Variants in CHSY3 observed in about 807,000 individuals in gnomAD.
CHSY3 encodes N-acetylgalactosaminyl-proteoglycan 3-beta-glucuronosyltransferase 3.
CHSY3 carries 35 observed loss-of-function variants against 67.2 expected under a neutral mutation model. That is an observed-to-expected ratio of 0.52 (90% CI 0.40 to 0.69). The LOEUF (loss-of-function observed/expected upper bound fraction) is 0.69, where lower values mean the gene tolerates loss of function less well. Among genes scored for constraint, CHSY3 ranks in the 30% least tolerant of loss-of-function variants. The pLI is 0.00. For missense variants in CHSY3, 1,069 were observed against 1,138.5 expected, an observed-to-expected ratio of 0.94 and a Z score of 0.88; for synonymous variants, 474 against 434.7, an observed-to-expected ratio of 1.09 and a Z score of -1.12.
chr5:130,100,807 A>G (rs1211969895), intron 2 of CHSY3, among the ~76,000 whole-genome samples: 1 of 152,230 alleles, frequency 6.6e-6, no homozygotes, highest in Non-Finnish European at 1.5e-5. Flanking sequence ...TATTCAGGAA[A>G]TGTATACCTG....
chr5:129,966,645 A>G (rs1357523288), intron 2 of CHSY3, among the ~76,000 whole-genome samples: 1 of 151,870 alleles, frequency 6.6e-6, no homozygotes, highest in African/African-American at 2.4e-5. Flanking sequence ...TTTGGAGTTT[A>G]TAGACCTCTA....
chr5:130,165,010 G>A (rs73248915), intron 2 of CHSY3, among the ~76,000 whole-genome samples: 26 of 152,268 alleles, frequency 1.7e-4, no homozygotes, highest in African/African-American at 6.3e-4. Context: ...TATTGGTGGA[G>A]TATAGAGGGT....
chr5:130,069,386 C>G (rs2149680767), intron 2 of CHSY3, among the ~76,000 whole-genome samples: 1 of 152,096 alleles, frequency 6.6e-6, no homozygotes, highest in East Asian at 1.9e-4. Flanking sequence ...CATGGTGATT[C>G]ATGCCTGTAA....
intron 2 of CHSY3, among the ~76,000 whole-genome samples, chr5:130,108,461 T>G (rs1295066735): frequency 1.3e-5 from 2 of 151,642 alleles, no homozygotes; most frequent in African/African-American, 4.8e-5. Flanking sequence ...AAGTGGCAAT[T>G]TGCCATTTAC....
At chr5:130,118,487 ATATG>A (rs1386340538) in intron 2 of CHSY3, among the ~76,000 whole-genome samples, 2 of 149,136 alleles carry the variant, frequency 1.3e-5, no homozygotes, top group African/African-American at 5.0e-5. Flanking sequence ...TATAATGTAT[ATATG>A]TGTGTGTGTG....
At chr5:129,939,225 G>A (rs920455544) in intron 2 of CHSY3, among the ~76,000 whole-genome samples, 3 of 152,110 alleles carry the variant, frequency 2.0e-5, no homozygotes, top group Non-Finnish European at 2.9e-5. Context: ...AGACAGCAAG[G>A]GAGAAGTCTG....
chr5:130,135,870 G>C (rs1001048078), intron 2 of CHSY3, among the ~76,000 whole-genome samples: 3 of 152,074 alleles, frequency 2.0e-5, no homozygotes, highest in African/African-American at 7.2e-5. Flanking sequence ...ATTATTTTGC[G>C]TATATAATTG....
chr5:130,125,238 G>T (rs1330445091), intron 2 of CHSY3, among the ~76,000 whole-genome samples: 2 of 152,120 alleles, frequency 1.3e-5, no homozygotes, highest in Admixed American at 6.6e-5. Flanking sequence ...TGGACAGATT[G>T]AGTCCTCATC....
intron 2 of CHSY3, among the ~76,000 whole-genome samples, chr5:129,939,357 A>C (rs1761623785): frequency 6.6e-6 from 1 of 152,172 alleles, no homozygotes; most frequent in African/African-American, 2.4e-5. Context: ...CCATACTTTA[A>C]TCATTCTGTG....
At chr5:130,154,132 G>A (rs1400134872) in intron 2 of CHSY3, among the ~76,000 whole-genome samples, 1 of 152,092 alleles carries the variant, frequency 6.6e-6, no homozygotes, top group East Asian at 1.9e-4. Context: ...GGTCAGGCTG[G>A]TCTTGAACTC....
intron 2 of CHSY3, among the ~76,000 whole-genome samples, chr5:129,996,412 G>T (rs1000279631): frequency 3.9e-5 from 6 of 152,146 alleles, no homozygotes; most frequent in African/African-American, 1.4e-4. Context: ...GTGGGACATG[G>T]TGGCATTTGT....
chr5:130,001,459 G>C (rs1381277255), intron 2 of CHSY3: 1 of 909,688 alleles, frequency 1.1e-6, no homozygotes. Flanking sequence ...GACACAGTAG[G>C]CTTTGCTCCT....
chr5:129,904,990 GC>G lies in CHSY3; in HGVS notation c.166del (p.Arg56AlafsTer122). 1.3e-6 allele frequency: 2 copies of G among 1,567,048 alleles called. No homozygotes were observed. The highest frequency in any genetic ancestry group is 8.6e-7 in the Non-Finnish European group (1 of 1,162,694). On this transcript the variant is annotated frameshift_variant, in exon 1 of 3. Coordinates refer to ENST00000305031, the MANE Select transcript of CHSY3 (RefSeq NM_175856.5). LOFTEE classifies it high-confidence loss of function. Reference sequence around the variant, plus strand: ...TCCTACTACGGTCGCTCTGCTGCTGGCCCCCGCGCCGGCGCTCAGCAGCCGC... The same window carrying G: ...TCCTACTACGGTCGCTCTGCTGCTGGCCCCGCGCCGGCGCTCAGCAGCCGC... ...LCSYYGRSAA[G>X]PRAGAQQPLP...
chr5:129,930,818 C>T (rs1561460417), intron 2 of CHSY3, among the ~76,000 whole-genome samples: 1 of 152,138 alleles, frequency 6.6e-6, no homozygotes, highest in Non-Finnish European at 1.5e-5. Context: ...AGAATACTCT[C>T]CTACTGCTGG....
chr5:130,027,815 G>A (rs923040530), intron 2 of CHSY3, among the ~76,000 whole-genome samples: 123 of 152,072 alleles, frequency 8.1e-4, no homozygotes, highest in Non-Finnish European at 1.6e-3. Flanking sequence ...CCATTTTTAT[G>A]GCTGCATAGT....
chr5:129,931,285 C>T (rs2431203), intron 2 of CHSY3, among the ~76,000 whole-genome samples: 51,453 of 151,986 alleles, frequency 0.34, 8,990 homozygotes, highest in South Asian at 0.47. Flanking sequence ...CTGATTTCTT[C>T]CAGCGTAGCT....
intron 2 of CHSY3, among the ~76,000 whole-genome samples, chr5:129,949,004 A>G (rs947860659): frequency 9.9e-5 from 15 of 152,118 alleles, no homozygotes; most frequent in South Asian, 4.1e-4. Context: ...CTCCCACTCT[A>G]TGGGTTGTCT....
chr5:129,961,487 T>C (rs1177859118), intron 2 of CHSY3, among the ~76,000 whole-genome samples: 2 of 152,078 alleles, frequency 1.3e-5, no homozygotes, highest in Non-Finnish European at 2.9e-5. Flanking sequence ...CATTTCTTTT[T>C]ATATCTGAGC....
At chr5:129,950,322 A>G (rs755626648) in intron 2 of CHSY3, among the ~76,000 whole-genome samples, 2 of 152,198 alleles carry the variant, frequency 1.3e-5, no homozygotes, top group African/African-American at 2.4e-5. Flanking sequence ...ACCATCATAC[A>G]TAATAGTGAA....
Sources: gnomAD v4.1 joint callset for allele counts (sites outside exome capture counted in the v4.1 genomes callset) on GRCh38, gnomAD v4.1.1 for gene constraint, MANE v1.5 for transcripts, NCBI Gene and HGNC (gene_info 2026-07-23, HGNC 2026-07-21) for gene names.